The following SYK variants were observed in gnomAD, a reference collection of about 807,000 sequenced individuals.
The protein encoded by SYK is spleen associated tyrosine kinase.
A neutral mutation model predicts 77.8 loss-of-function variants in SYK; 16 were observed. The observed-to-expected ratio is 0.21, with a 90% CI of 0.14 to 0.31. SYK has a LOEUF of 0.31. Ranked by LOEUF, SYK falls within the 10% of genes least tolerant of loss-of-function variation. The probability of loss-of-function intolerance (pLI) is 1.00; values close to 1 mark genes in which losing one functional copy is unlikely to be tolerated. For synonymous variants in SYK, 312 were observed against 308.7 expected (o/e 1.01, Z -0.11); for missense variants, 529 against 814.4 (o/e 0.65, Z 4.26).
At chr9:90,882,745 T>C (rs1828206520) in intron 11 of SYK, among the ~76,000 whole-genome samples, 1 of 152,054 alleles carries the variant, frequency 6.6e-6, no homozygotes, top group Non-Finnish European at 1.5e-5. Flanking sequence ...CAATAGATGG[T>C]CTAAGAGAGA....
Position 90,895,708 on chromosome 9 carries a change from C to A in SYK, c.*108C>A. 9.3e-7 allele frequency: 1 copy of A among 1,072,354 alleles called. No homozygotes were observed. The highest frequency in any genetic ancestry group is 1.4e-6 in the Non-Finnish European group (1 of 716,568). The allele number at this position is 1,072,354 out of a possible 1,614,324, so 66.4% of individuals were successfully genotyped here. On this transcript the variant is annotated 3_prime_UTR_variant, in exon 14 of 14. Transcript: ENST00000375754. The surrounding 1 kb of genome is among the most constrained non-coding windows in gnomAD (Gnocchi z 4.4). ...ACCTCCCTCTGCCAGTCGGGAGAGC[C>A]AGGCTTGGATGGAACATGCCCACAA...
At chr9:90,806,385 C>T (rs2035072) in intron 1 of SYK, among the ~76,000 whole-genome samples, 143,188 of 151,744 alleles carry the variant, frequency 0.94, 67,648 homozygotes, top group East Asian at 1. Context: ...TGGTGTGGGA[C>T]TTTTCTTTTT....
At chr9:90,853,418 A>T (rs184861472) in intron 3 of SYK, among the ~76,000 whole-genome samples, 1 of 151,882 alleles carries the variant, frequency 6.6e-6, no homozygotes, top group African/African-American at 2.4e-5. Flanking sequence ...AGACACATGC[A>T]CACGTATGTT....
intron 9 of SYK, among the ~76,000 whole-genome samples, chr9:90,875,189 T>G (rs1042541841): frequency 1.3e-5 from 2 of 151,804 alleles, no homozygotes; most frequent in Non-Finnish European, 2.9e-5. Flanking sequence ...GTTTGAGGCC[T>G]GGAGCTTGAG....
chr9:90,876,406 TA>T (rs758092974), intron 9 of SYK, among the ~76,000 whole-genome samples: 43 of 152,128 alleles, frequency 2.8e-4, no homozygotes, highest in Admixed American at 5.9e-4. Context: ...CATGTATGTA[TA>T]CACACACAAA....
Position 90,882,853 on chromosome 9 carries a change from G to C in SYK, c.1581+3900G>C, listed in dbSNP as rs545349975. 3.9e-5 allele frequency among the ~76,000 whole-genome samples: 6 copies of C among 152,270 alleles called. No individual in the cohort carries two copies. The East Asian group carries it at 1.2e-3, about 29-fold the overall frequency. ...CAGGAATGACTGGGAGCTGGGAGAA[G>C]CTTCCAGATATGGGGAAAGCATAAA... On this transcript the variant is annotated intron_variant, in intron 11 of 13. Transcript: ENST00000375754.
chr9:90,856,217 C>A (rs1827031153), intron 3 of SYK, among the ~76,000 whole-genome samples: 1 of 152,122 alleles, frequency 6.6e-6, no homozygotes, highest in African/African-American at 2.4e-5. Context: ...TTATCTGAGT[C>A]ATTATGGAGA....
chr9:90,840,697 T>C (rs1263756693), intron 1 of SYK, among the ~76,000 whole-genome samples: 1 of 152,070 alleles, frequency 6.6e-6, no homozygotes, highest in Non-Finnish European at 1.5e-5. Flanking sequence ...TAAATGTAGA[T>C]ATACTTTAAA....
intron 3 of SYK, among the ~76,000 whole-genome samples, chr9:90,854,455 G>A (rs1447201250): frequency 6.6e-6 from 1 of 152,148 alleles, no homozygotes; most frequent in Non-Finnish European, 1.5e-5. Flanking sequence ...TGCAGGCTTG[G>A]TGGGTCCTAA....
chr9:90,867,145 T>C lies in SYK; in HGVS notation c.861T>C (p.Gly287=). The change falls in exon 7 of 14, where the codon GGT becomes GGC. Residue 287 remains glycine, a synonymous_variant. Transcript: ENST00000375754. ...PGSHPATWSA[G]GIISRIKSYS... Reference sequence around the variant, plus strand: ...GTGGTTTCTAGACTTGGTCAGCGGGTGGAATAATCTCAAGAATCAAATCAT... The same window carrying C: ...GTGGTTTCTAGACTTGGTCAGCGGGCGGAATAATCTCAAGAATCAAATCAT... 6.2e-7 allele frequency: 1 copy of C among 1,614,050 alleles called. No individual in the cohort carries two copies. The highest frequency in any genetic ancestry group is 8.5e-7 in the Non-Finnish European group (1 of 1,180,004).
intron 1 of SYK, among the ~76,000 whole-genome samples, chr9:90,842,164 GTGTGT>G (rs1327205562): frequency 6.6e-6 from 1 of 151,028 alleles, no homozygotes; most frequent in African/African-American, 2.4e-5. Context: ...GTTGTTTGTA[GTGTGT>G]TGTGTGTGTG....
At chr9:90,861,791 G>A (rs1827275749) in intron 3 of SYK, among the ~76,000 whole-genome samples, 1 of 152,192 alleles carries the variant, frequency 6.6e-6, no homozygotes, top group Admixed American at 6.5e-5. Context: ...CCCAAATGCA[G>A]GCCCTGGTGA....
chr9:90,888,511 G>C lies in SYK; in HGVS notation c.1723-4G>C, dbSNP rs200207422. 2 of 1,594,822 alleles carry C rather than the reference G, an allele frequency of 1.3e-6. No homozygotes were observed. The highest frequency in any genetic ancestry group is 1.7e-6 in the Non-Finnish European group (2 of 1,173,162). On this transcript the variant is annotated splice_region_variant and splice_polypyrimidine_tract_variant and intron_variant, in intron 12 of 13. Coordinates refer to ENST00000375754, the MANE Select transcript of SYK (RefSeq NM_003177.7). ...AAAGCTTATGCATATCTTGCATGTT[G>C]TAGGGGATGAAAGGAAGTGAAGTCA...
At chr9:90,868,364 A>G (rs1252521176) in intron 7 of SYK, among the ~76,000 whole-genome samples, 1 of 152,202 alleles carries the variant, frequency 6.6e-6, no homozygotes, top group African/African-American at 2.4e-5. Context: ...AAAGTTGAAG[A>G]AAATATCAGT....
At chr9:90,843,388 G>A (rs908708406) in intron 1 of SYK, among the ~76,000 whole-genome samples, 3 of 152,148 alleles carry the variant, frequency 2.0e-5, no homozygotes, top group Admixed American at 1.3e-4. Flanking sequence ...TGGTGGTAGC[G>A]TCCTCCTTGG....
rs1829076692 is a variant in SYK at position 90,898,383 on chromosome 9, A to T, written c.*2783A>T. The T allele has an allele frequency of 4.4e-6, 1 of 227,744 alleles. No individual in the cohort carries two copies. The allele number at this position is 227,744 out of a possible 1,614,324, so 14.1% of individuals were successfully genotyped here. On this transcript the variant is annotated 3_prime_UTR_variant, in exon 14 of 14. Transcript: ENST00000375754. Reference sequence around the variant, plus strand: ...GTCCAATGACTGCAAGTCGGCCTGGATTTTCACTTGCAGAGGCTACAGCTG... The same window carrying T: ...GTCCAATGACTGCAAGTCGGCCTGGTTTTTCACTTGCAGAGGCTACAGCTG...
chr9:90,848,545 C>T (rs1452617772), intron 3 of SYK, among the ~76,000 whole-genome samples: 1 of 152,242 alleles, frequency 6.6e-6, no homozygotes, highest in Non-Finnish European at 1.5e-5. Context: ...CCAGTCACTG[C>T]TGGATGTCCT....
At chr9:90,893,921 C>T (rs1021673255) in intron 13 of SYK, among the ~76,000 whole-genome samples, 10 of 152,138 alleles carry the variant, frequency 6.6e-5, no homozygotes, top group Non-Finnish European at 7.4e-5. Context: ...AAGCTGGGCA[C>T]GCAAGGGCAC....
intron 7 of SYK, among the ~76,000 whole-genome samples, chr9:90,870,491 G>GA (rs1827687480): frequency 6.6e-6 from 1 of 152,260 alleles, no homozygotes; most frequent in Non-Finnish European, 1.5e-5. Context: ...AGTGGGAAGA[G>GA]AAAAAAGAAA....
Sources: gnomAD v4.1 joint callset for allele counts (sites outside exome capture counted in the v4.1 genomes callset) on GRCh38, gnomAD v4.1.1 for gene constraint, Gnocchi (gnomAD v3.1) non-coding constraint, MANE v1.5 for transcripts, NCBI Gene and HGNC (gene_info 2026-07-23, HGNC 2026-07-21) for gene names.